Variants in C8A observed in about 807,000 individuals in gnomAD.
The protein encoded by C8A is complement component C8 alpha chain.
In C8A, 67 loss-of-function variants were observed where a neutral mutation model predicts 65.3. That is an observed-to-expected ratio of 1.03 (90% confidence interval 0.84 to 1.26). The LOEUF (loss-of-function observed/expected upper bound fraction) is 1.26, where lower values mean the gene tolerates loss of function less well. Ranked by LOEUF, C8A falls within the 50% of genes most tolerant of loss-of-function variation. The pLI, the probability that C8A is intolerant of heterozygous loss-of-function variation, is 0.00. For missense variants in C8A, 781 were observed against 723.9 expected, an observed-to-expected ratio of 1.08 and a Z score of -0.90; for synonymous variants, 290 against 259.4, an observed-to-expected ratio of 1.12 and a Z score of -1.13.
In C8A at chr1:56,914,797, C is replaced by A. The variant is rs534468792; in HGVS notation, c.1603+2172C>A. Among the ~76,000 whole-genome samples the A allele has an allele frequency of 2.7e-3, 406 of 152,290 alleles. 3 individuals are homozygous for A. The highest frequency in any genetic ancestry group is 8.6e-3 in the African/African-American group (359 of 41,560). On this transcript the variant is annotated intron_variant, in intron 10 of 10. Coordinates refer to ENST00000361249, the MANE Select transcript of C8A (RefSeq NM_000562.3). ...CTCCCACCTCAGCCCGCCCTGCCCC[C>A]ACCCTGAGTAGCTGGGACTACAGGC... is the stretch of plus-strand genomic sequence containing the variant.
At chr1:56,913,064 A>G (rs1754536) in intron 10 of C8A, among the ~76,000 whole-genome samples, 15,583 of 152,118 alleles carry the variant, frequency 0.1, 1,246 homozygotes, top group African/African-American at 0.22. Flanking sequence ...ATCTTTTGGT[A>G]GTTGTCAGCA....
chr1:56,873,424 A>T (rs148939375), intron 2 of C8A, among the ~76,000 whole-genome samples: 1 of 152,300 alleles, frequency 6.6e-6, no homozygotes, highest in Non-Finnish European at 1.5e-5. Context: ...TGGCTTGCTC[A>T]TGGGCAGTTG....
chr1:56,874,916 A>G, intron 2 of C8A, 33 bp from the exon 3 acceptor site: 1 of 1,612,568 alleles, frequency 6.2e-7, no homozygotes, highest in Non-Finnish European at 8.5e-7. Flanking sequence ...TGATTGGTTG[A>G]CAAGAATGTG....
chr1:56,885,474 ATTT>A (rs1381030891), intron 6 of C8A, among the ~76,000 whole-genome samples: 16 of 107,270 alleles, frequency 1.5e-4, no homozygotes, highest in African/African-American at 4.7e-4. Context: ...ATATATATTT[ATTT>A]AAATATATAT....
intron 2 of C8A, among the ~76,000 whole-genome samples, chr1:56,870,379 A>C (rs531487658): frequency 6.6e-6 from 1 of 152,068 alleles, no homozygotes; most frequent in African/African-American, 2.4e-5. Context: ...TGGCATTGAC[A>C]ATCCTTACCT....
At chr1:56,862,776 G>A (rs567655076) in intron 1 of C8A, among the ~76,000 whole-genome samples, 32 of 152,188 alleles carry the variant, frequency 2.1e-4, no homozygotes, top group Non-Finnish European at 4.1e-4. Context: ...GTAGATTTTC[G>A]CCAGCTGAGA....
At chr1:56,904,561 G>A (rs1439403327) in intron 7 of C8A, among the ~76,000 whole-genome samples, 3 of 152,152 alleles carry the variant, frequency 2.0e-5, no homozygotes, top group African/African-American at 7.2e-5. Flanking sequence ...TTTGTCTGAG[G>A]CAATAACTGA....
Position 56,881,559 on chromosome 1 carries a change from C to A in C8A, c.579C>A (p.Thr193=), listed in dbSNP as rs773853618. 12 of 1,613,660 alleles carry A rather than the reference C, an allele frequency of 7.4e-6. No individual in the cohort carries two copies. The South Asian group carries it at 9.9e-5, about 13-fold the overall frequency. The stretch of plus-strand genomic sequence containing the variant: ...GGAGGGAGCTTCGATATGACTCCAC[C>A]TGTGAACGTCTCTACTATGGAGATG... ...GEWRELRYDS[T]CERLYYGDDE... is the part of the protein sequence containing the mutation. Residue 193 remains threonine, a synonymous_variant, in exon 5 of 11, where the codon ACC becomes ACA. Coordinates refer to ENST00000361249, the MANE Select transcript of C8A (RefSeq NM_000562.3).
At chr1:56,883,742 C>A in intron 6 of C8A, 61 bp downstream of exon 6, 2 of 1,375,646 alleles carry the variant, frequency 1.5e-6, no homozygotes, top group South Asian at 2.4e-5. Flanking sequence ...ACACGTATTA[C>A]CTTAATTGCA....
At chr1:56,871,301 G>C (rs1644145279) in intron 2 of C8A, among the ~76,000 whole-genome samples, 1 of 152,202 alleles carries the variant, frequency 6.6e-6, no homozygotes, top group South Asian at 2.1e-4. Flanking sequence ...TTGGTCAGTT[G>C]ACTCCAAAAA....
intron 7 of C8A, among the ~76,000 whole-genome samples, chr1:56,886,800 T>A (rs1644303705): frequency 1.3e-5 from 2 of 152,206 alleles, no homozygotes; most frequent in Admixed American, 1.3e-4. Context: ...ATATCTTGAA[T>A]GGCTAAGAAT....
At chr1:56,888,267 A>G (rs1181102963) in intron 7 of C8A, among the ~76,000 whole-genome samples, 4 of 152,202 alleles carry the variant, frequency 2.6e-5, no homozygotes, top group Admixed American at 6.5e-5. Flanking sequence ...ACAAGACAGG[A>G]AGTTCGAGAT....
intron 2 of C8A, among the ~76,000 whole-genome samples, chr1:56,874,116 G>A (rs1371217904): frequency 3.3e-5 from 5 of 152,160 alleles, no homozygotes; most frequent in African/African-American, 9.7e-5. Context: ...TAATAGGCAA[G>A]GCATCTACAA....
At chr1:56,901,611 G>C (rs950273212) in intron 7 of C8A, among the ~76,000 whole-genome samples, 1 of 152,118 alleles carries the variant, frequency 6.6e-6, no homozygotes, top group East Asian at 1.9e-4. Flanking sequence ...CACTACCTCT[G>C]TACTTCCTTA....
In C8A at chr1:56,881,647, A is replaced by G; in HGVS notation, c.654+13A>G. ...GTACCACTTTGAAGTAAGTCTGAAC[A>G]GAGGGGCTCTGAGGCCACTGTGGTG... On this transcript the variant is annotated intron_variant, in intron 5 of 10. Coordinates refer to ENST00000361249, the MANE Select transcript of C8A (RefSeq NM_000562.3). 1 of 1,611,770 alleles carries G rather than the reference A, an allele frequency of 6.2e-7. No individual in the cohort carries two copies. The highest frequency in any genetic ancestry group is 8.5e-7 in the Non-Finnish European group (1 of 1,179,168).
At chr1:56,892,762 G>T (rs1232237051) in intron 7 of C8A, among the ~76,000 whole-genome samples, 2 of 152,146 alleles carry the variant, frequency 1.3e-5, no homozygotes, top group African/African-American at 4.8e-5. Context: ...GGCTCATGTA[G>T]ATAGGACCTG....
rs1644285752 is a variant in C8A at position 56,885,370 on chromosome 1, T to TTATTTAAATATATATTTACATAAATA, written c.856-554_856-553insTTAAATATATATTTACATAAATATAT. ...AATATATATTTATGTAAATATATAT[T>TTATTTAAATATATATTTACATAAATA]TATATTTATTTAAATATATATTTAA... On this transcript the variant is annotated intron_variant, in intron 6 of 10. Coordinates refer to ENST00000361249, the MANE Select transcript of C8A (RefSeq NM_000562.3). Among the ~76,000 whole-genome samples, 4 of 68,572 alleles carry TTATTTAAATATATATTTACATAAATA rather than the reference T, an allele frequency of 5.8e-5. 1 individual carries two copies. Among genetic ancestry groups the TTATTTAAATATATATTTACATAAATA allele is most frequent in the African/African-American group, 4.6e-4 (4 of 8,708 alleles). 45.0% of individuals were successfully genotyped at this position (68,572 alleles called of 152,430 possible).
At chr1:56,907,106 T>C (rs1248849779) in intron 8 of C8A, among the ~76,000 whole-genome samples, 1 of 152,182 alleles carries the variant, frequency 6.6e-6, no homozygotes, top group Non-Finnish European at 1.5e-5. Context: ...AGACCCATCA[T>C]ATTACAGTTC....
chr1:56,891,575 G>C (rs1213231702), intron 7 of C8A, among the ~76,000 whole-genome samples: 4 of 152,156 alleles, frequency 2.6e-5, no homozygotes, highest in Non-Finnish European at 4.4e-5. Flanking sequence ...GAGGAATAAA[G>C]AATGGACATG....
Sources: allele counts gnomAD v4.1 joint callset (sites outside exome capture counted in the v4.1 genomes callset), GRCh38; gene constraint gnomAD v4.1.1; transcripts MANE v1.5; gene names NCBI Gene and HGNC (gene_info 2026-07-23, HGNC 2026-07-21).